CCDC180: variants seen among roughly 807,000 people sequenced by gnomAD.
CCDC180 encodes coiled-coil domain containing 180.
In CCDC180, 154 loss-of-function variants were observed where a neutral mutation model predicts 209.2. The observed-to-expected ratio is 0.74, with a 90% CI of 0.65 to 0.84. The LOEUF is 0.84. Ranked by LOEUF, CCDC180 falls within the 40% of genes least tolerant of loss-of-function variation. The pLI, the probability that CCDC180 is intolerant of heterozygous loss-of-function variation, is 0.00. For synonymous variants in CCDC180, 778 were observed against 749.1 expected (o/e 1.04, Z -0.63); for missense variants, 1,874 against 1,997.3 (o/e 0.94, Z 1.18).
intron 2 of CCDC180, among the ~76,000 whole-genome samples, chr9:97,308,826 C>A (rs1832888517): frequency 6.6e-6 from 1 of 152,202 alleles, no homozygotes; most frequent in Non-Finnish European, 1.5e-5. Flanking sequence ...ACAATTACAT[C>A]ACTCACATGA....
chr9:97,319,477 C>CCCTCCTT (rs1833286386), intron 10 of CCDC180, among the ~76,000 whole-genome samples: 1 of 152,134 alleles, frequency 6.6e-6, no homozygotes, highest in Non-Finnish European at 1.5e-5. Context: ...TCCATCCTCT[C>CCCTCCTT]CCTCCTTCCA....
intron 3 of CCDC180, 140 bp downstream of exon 3, chr9:97,309,744 T>G: frequency 1.6e-6 from 1 of 616,402 alleles, no homozygotes; most frequent in Non-Finnish European, 2.6e-6. Flanking sequence ...GGCTAATACC[T>G]ACCTTGCAGG....
rs1260006853 is a variant in CCDC180 at position 97,375,466 on chromosome 9, G to A, written c.4719G>A (p.Gly1573=). 13 of 1,614,076 alleles carry A rather than the reference G, an allele frequency of 8.1e-6. No homozygotes were observed. The highest frequency in any genetic ancestry group is 1.0e-5 in the Non-Finnish European group (12 of 1,180,040). ...LIERGSRKWP[G]IKPTEVTIQN... ...TGTTTGTTTGTAGGAAGTGGCCAGGGATCAAACCCACCGAAGTCACCATCC... is the reference window on the plus strand; with the variant it reads ...TGTTTGTTTGTAGGAAGTGGCCAGGAATCAAACCCACCGAAGTCACCATCC... The change falls in exon 36 of 37, where the codon GGG becomes GGA. Residue 1573 remains glycine (G), a synonymous_variant. Transcript: ENST00000529487.
chr9:97,333,446 C>A (rs930415789), intron 18 of CCDC180, among the ~76,000 whole-genome samples: 17 of 150,498 alleles, frequency 1.1e-4, no homozygotes, highest in African/African-American at 3.7e-4. Flanking sequence ...GAAGTGATAC[C>A]AGCTCTTTGT....
chr9:97,317,797 C>T (rs1833227533), intron 9 of CCDC180, among the ~76,000 whole-genome samples: 1 of 152,142 alleles, frequency 6.6e-6, no homozygotes, highest in Non-Finnish European at 1.5e-5. Flanking sequence ...TCCATGTGAC[C>T]TTGACCAAGC....
chr9:97,345,354 G>A (rs1826222569), intron 19 of CCDC180, among the ~76,000 whole-genome samples: 1 of 152,126 alleles, frequency 6.6e-6, no homozygotes, highest in African/African-American at 2.4e-5. Flanking sequence ...AACTTCAATC[G>A]CTCCACAACG....
At chr9:97,319,252 A>G (rs970577721) in intron 10 of CCDC180, among the ~76,000 whole-genome samples, 3 of 152,334 alleles carry the variant, frequency 2.0e-5, no homozygotes, top group South Asian at 4.1e-4. Context: ...CACATTACCT[A>G]TGTAACAAAC....
In CCDC180 at chr9:97,322,935, C is replaced by A; in HGVS notation, c.1248+14C>A. On this transcript the variant is annotated intron_variant, in intron 12 of 36. Coordinates refer to ENST00000529487, the MANE Select transcript of CCDC180 (RefSeq NM_020893.6). The stretch of plus-strand genomic sequence containing the variant: ...CAGAATTGTAAGGTGGGCACCCTTC[C>A]TGCAGGCCTGAGAAGAGGAATCCTG... 2 of 1,610,250 alleles carry A rather than the reference C, an allele frequency of 1.2e-6. No homozygotes were observed. The highest frequency in any genetic ancestry group is 1.7e-6 in the Non-Finnish European group (2 of 1,177,298).
intron 3 of CCDC180, among the ~76,000 whole-genome samples, chr9:97,310,584 G>C (rs1293412108): frequency 6.6e-6 from 1 of 151,784 alleles, no homozygotes; most frequent in Non-Finnish European, 1.5e-5. Flanking sequence ...GCTCCCCTTA[G>C]GCACTTTGAG....
chr9:97,330,649 A>G lies in CCDC180; in HGVS notation c.2156A>G (p.Lys719Arg). 1.2e-6 allele frequency: 2 copies of G among 1,611,442 alleles called. No homozygotes were observed. Among genetic ancestry groups the G allele is most frequent in the Non-Finnish European group, 1.7e-6 (2 of 1,179,198 alleles). ...NEENVKGQGE[K>R]KEESEEEDEK... ...GAGAATGTGAAGGGTCAAGGAGAAA[A>G]GAAGGAGGAGTCAGAGGAGGAAGAT... is the stretch of plus-strand genomic sequence containing the variant. Residue 719 changes from lysine (K) to arginine (R), a missense_variant, in exon 18 of 37, where the codon AAG (lysine) becomes AGG (arginine). By Grantham distance (26) the Lys-to-Arg change is conservative. Coordinates refer to ENST00000529487, the MANE Select transcript of CCDC180 (RefSeq NM_020893.6).
chr9:97,339,258 G>A (rs532073874), intron 18 of CCDC180, among the ~76,000 whole-genome samples: 1 of 152,266 alleles, frequency 6.6e-6, no homozygotes, highest in Admixed American at 6.5e-5. Flanking sequence ...TAGCATTGAT[G>A]GTCTTTACAA....
chr9:97,356,003 T>C (rs1186264857), intron 24 of CCDC180, among the ~76,000 whole-genome samples: 2 of 152,060 alleles, frequency 1.3e-5, no homozygotes, highest in African/African-American at 2.4e-5. Context: ...TGCTCAGGGC[T>C]GCACTTCGAG....
intron 31 of CCDC180, among the ~76,000 whole-genome samples, chr9:97,367,754 A>G (rs945390157): frequency 2.0e-5 from 3 of 152,156 alleles, no homozygotes; most frequent in African/African-American, 7.2e-5. Context: ...GATTACAGAC[A>G]TGAGCCACTG....
chr9:97,317,029 T>C (rs769583869), intron 8 of CCDC180, 36 bp from the exon 9 acceptor site: 5 of 1,568,700 alleles, frequency 3.2e-6, no homozygotes, highest in Non-Finnish European at 3.5e-6. Flanking sequence ...AGAGAGACCC[T>C]GCCCTGTCTA....
Position 97,361,760 on chromosome 9 carries a change from A to G in CCDC180, c.3518A>G (p.Asp1173Gly). The G allele has an allele frequency of 6.2e-7, 1 of 1,614,144 alleles. No individual in the cohort carries two copies. The highest frequency in any genetic ancestry group is 2.2e-5 in the East Asian group (1 of 44,880). ...CTGAAGGACCAGGAGGAAGACAGTG[A>G]CATCCTGACATCTTCAGAAGCCCTT... ...TILKDQEEDS[D>G]ILTSSEALEE... Residue 1173 changes from aspartate (D) to glycine (G), a missense_variant, in exon 27 of 37, where the codon GAC becomes GGC. By Grantham distance (94) the Asp-to-Gly change is moderately conservative. Coordinates refer to ENST00000529487, the MANE Select transcript of CCDC180 (RefSeq NM_020893.6).
Position 97,317,222 on chromosome 9 carries a change from G to A in CCDC180, c.953G>A (p.Ser318Asn). 6.3e-7 allele frequency: 1 copy of A among 1,594,790 alleles called. No individual in the cohort carries two copies. The highest frequency in any genetic ancestry group is 8.6e-7 in the Non-Finnish European group (1 of 1,166,190). ...KALKKEALLQ[S>N]FSEFMASESI... ...CTCAAGAAGGAGGCCCTGCTGCAGA[G>A]TTTCAGGTCAGTGCCGCCCACACAG... The change falls in exon 9 of 37, where the codon AGT (serine) becomes AAT (asparagine). Residue 318 changes from serine (S) to asparagine (N), a missense_variant. Physicochemically the swap from Ser to Asn is conservative, Grantham distance 46. Coordinates refer to ENST00000529487, the MANE Select transcript of CCDC180 (RefSeq NM_020893.6).
At chr9:97,339,653 A>G (rs4742685) in intron 18 of CCDC180, among the ~76,000 whole-genome samples, 82,816 of 151,860 alleles carry the variant, frequency 0.55, 23,950 homozygotes, top group African/African-American at 0.73. Context: ...TGTTCTTCTC[A>G]AGGAGTATCT....
chr9:97,372,350 T>C (rs1827125684), intron 34 of CCDC180: 2 of 152,226 alleles, frequency 1.3e-5, no homozygotes, highest in East Asian at 1.9e-4. Context: ...CTGCAGAGAC[T>C]CTTGGTAGAG....
rs188083193 is a variant in CCDC180, at chr9:97,309,977, C to T, written c.260+373C>T. Among the ~76,000 whole-genome samples the T allele has an allele frequency of 1.1e-4, 16 of 152,262 alleles. No individual in the cohort carries two copies. The East Asian group carries it at 3.1e-3, about 29-fold the overall frequency. On this transcript the variant is annotated intron_variant, in intron 3 of 36. Transcript: ENST00000529487. ...CTCTGAGGAGGAGGATCAGCTGAAA[C>T]CAGAGGGTGCAGTATGGGGACAAGG...
Sources: gnomAD v4.1 joint callset for allele counts (sites outside exome capture counted in the v4.1 genomes callset) on GRCh38, gnomAD v4.1.1 for gene constraint, MANE v1.5 for transcripts, NCBI Gene and HGNC (gene_info 2026-07-23, HGNC 2026-07-21) for gene names.